ALAS1: variants seen among roughly 807,000 people sequenced by gnomAD.
ALAS1 encodes 5'-aminolevulinate synthase 1, also known as 5-aminolevulinate synthase, non-specific, mitochondrial.
In ALAS1, 29 loss-of-function variants were observed where a neutral mutation model predicts 59.6. The ratio of observed to expected loss-of-function variants is 0.49; its 90% CI spans 0.36 to 0.66. The LOEUF (loss-of-function observed/expected upper bound fraction) is 0.66. Among genes scored for constraint, ALAS1 ranks in the 30% least tolerant of loss-of-function variants. The probability of loss-of-function intolerance (pLI) is 0.00; values close to 1 mark genes in which losing one functional copy is unlikely to be tolerated. For synonymous variants in ALAS1, 299 were observed against 296.6 expected (o/e 1.01, Z -0.08); for missense variants, 690 against 807.5 (o/e 0.85, Z 1.76).
At chr3:52,213,476 T>C (rs1699453826) in intron 11 of ALAS1, among the ~76,000 whole-genome samples, 1 of 152,234 alleles carries the variant, frequency 6.6e-6, no homozygotes, top group Non-Finnish European at 1.5e-5. Context: ...AAAAGCCTTA[T>C]CTCAGTAGAG....
intron 7 of ALAS1, 39 bp from the exon 8 acceptor site, chr3:52,206,533 C>A: frequency 6.3e-7 from 1 of 1,585,922 alleles, no homozygotes; most frequent in South Asian, 1.1e-5. Context: ...AATTTGTCTT[C>A]GATGCACATG....
rs1314640288 is a variant in ALAS1, at chr3:52,204,068, A to G, written c.577+56A>G. 6 of 1,525,466 alleles carry G rather than the reference A, an allele frequency of 3.9e-6. No homozygotes were observed. In the East Asian group the frequency reaches 6.9e-5, roughly 18 times the overall value. 94.5% of individuals were successfully genotyped at this position (1,525,466 alleles called of 1,614,324 possible). ...AAAAGAATTTATAATTCAAATGTACATTAGATTAAATATAAAATTGCATGG... is the reference window on the plus strand; with the variant it reads ...AAAAGAATTTATAATTCAAATGTACGTTAGATTAAATATAAAATTGCATGG... On this transcript the variant is annotated intron_variant, in intron 5 of 11. Coordinates refer to ENST00000484952, the MANE Select transcript of ALAS1 (RefSeq NM_000688.6).
Position 52,203,827 on chromosome 3 carries a change from G to C in ALAS1, c.428-36G>C, listed in dbSNP as rs757982040. ...AGATATTGTGAACTCAGAATAGAAAGTTGGTCCCATTTGTTTCTTGTTACT... is the reference window on the plus strand; with the variant it reads ...AGATATTGTGAACTCAGAATAGAAACTTGGTCCCATTTGTTTCTTGTTACT... On this transcript the variant is annotated intron_variant, in intron 4 of 11. Transcript: ENST00000484952. The C allele has an allele frequency of 3.9e-6, 6 of 1,548,174 alleles. No individual in the cohort carries two copies. In the Admixed American group the frequency reaches 1.2e-4, roughly 32 times the overall value.
chr3:52,208,475 C>T (rs548649385), intron 9 of ALAS1, among the ~76,000 whole-genome samples: 7 of 152,216 alleles, frequency 4.6e-5, no homozygotes, highest in Non-Finnish European at 1.0e-4. Flanking sequence ...TTATTGCTAT[C>T]TGAGCTCATT....
In ALAS1 at chr3:52,214,252, A is replaced by G; in HGVS notation, c.*72A>G. ...AGATGGTCTTCAGAGTTGTCTTTAT[A>G]TGTGAATTAAGTTATATTAAATTTT... On this transcript the variant is annotated 3_prime_UTR_variant, in exon 12 of 12. Coordinates refer to ENST00000484952, the MANE Select transcript of ALAS1 (RefSeq NM_000688.6). 2 of 1,347,816 alleles carry G rather than the reference A, an allele frequency of 1.5e-6. No homozygotes were observed. The highest frequency in any genetic ancestry group is 2.0e-6 in the Non-Finnish European group (2 of 990,798). The allele number at this position is 1,347,816 out of a possible 1,614,324, so 83.5% of individuals were successfully genotyped here.
chr3:52,202,792 G>C (rs1181720730), intron 4 of ALAS1, 58 bp downstream of exon 4: 1 of 1,530,692 alleles, frequency 6.5e-7, no homozygotes, highest in East Asian at 2.3e-5. Context: ...AGTTCTTTTG[G>C]GCCCTCAGAT....
intron 3 of ALAS1, among the ~76,000 whole-genome samples, chr3:52,201,396 T>C (rs1395417214): frequency 1.3e-5 from 2 of 152,226 alleles, no homozygotes; most frequent in African/African-American, 4.8e-5. Flanking sequence ...GTTGTTTAGA[T>C]GAAAACCAAT....
chr3:52,199,224 C>T lies in ALAS1; in HGVS notation c.-18C>T. 2 of 1,614,146 alleles carry T rather than the reference C, an allele frequency of 1.2e-6. No individual in the cohort carries two copies. The highest frequency in any genetic ancestry group is 4.5e-5 in the East Asian group (2 of 44,884). Reference sequence around the variant, plus strand: ...CTCTTCATCAGTCTTTCCACAGGAGCCAGCATACTTCCTGAACATGGAGAG... The same window carrying T: ...CTCTTCATCAGTCTTTCCACAGGAGTCAGCATACTTCCTGAACATGGAGAG... On this transcript the variant is annotated 5_prime_UTR_variant, in exon 3 of 12. Transcript: ENST00000484952.
Position 52,206,624 on chromosome 3 carries a change from T to G in ALAS1, c.1038T>G (p.Ile346Met). 6.2e-7 allele frequency: 1 copy of G among 1,614,202 alleles called. No individual in the cohort carries two copies. Among genetic ancestry groups the G allele is most frequent in the Non-Finnish European group, 8.5e-7 (1 of 1,180,034 alleles). Residue 346 changes from isoleucine to methionine, a missense_variant, in exon 8 of 12, where the codon ATT becomes ATG. Coordinates refer to ENST00000484952, the MANE Select transcript of ALAS1 (RefSeq NM_000688.6). ...ACCATGCCTCCATGATCCAAGGGATTCGAAACAGCCGAGTGCCAAAGTACA... is the reference window on the plus strand; with the variant it reads ...ACCATGCCTCCATGATCCAAGGGATGCGAAACAGCCGAGTGCCAAAGTACA... ...SGNHASMIQGIRNSRVPKYIF... is the reference protein window; with the variant it reads ...SGNHASMIQGMRNSRVPKYIF...
At position 52,198,848 on chromosome 3, in the gene ALAS1, T is replaced by C. The variant is rs145651843; in HGVS notation, c.-33T>C. The C allele has an allele frequency of 1.5e-5, 23 of 1,535,714 alleles. No homozygotes were observed. The Admixed American group carries it at 3.3e-4, about 22-fold the overall frequency. On this transcript the variant is annotated splice_region_variant and 5_prime_UTR_variant, in exon 2 of 12. Transcript: ENST00000484952. The stretch of plus-strand genomic sequence containing the variant: ...ATGAGTGGCTTCTTCTCCACCTAGA[T>C]GTAAGCCAAGATGTCTTATCTGCAC...
chr3:52,211,964 T>A (rs570528383), intron 10 of ALAS1, among the ~76,000 whole-genome samples: 6 of 152,366 alleles, frequency 3.9e-5, no homozygotes, highest in Non-Finnish European at 7.3e-5. Flanking sequence ...TATAACTGAA[T>A]CTAGATTATA....
chr3:52,204,003 T>G lies in ALAS1; in HGVS notation c.568T>G (p.Leu190Val). 1.2e-6 allele frequency: 2 copies of G among 1,604,654 alleles called. No individual in the cohort carries two copies. Among genetic ancestry groups the G allele is most frequent in the Non-Finnish European group, 1.7e-6 (2 of 1,175,856 alleles). ...AGTGTCTCATCTTCTTCAAGATAAC[T>G]TGCCAAAATGTAAGTCTCATTGTTA... ...ERVSHLLQDN[L>V]PKSVSTFQYD... Residue 190 changes from leucine to valine, a missense_variant, in exon 5 of 12, where the codon TTG becomes GTG. Leu to Val is a conservative substitution (Grantham distance 32). Coordinates refer to ENST00000484952, the MANE Select transcript of ALAS1 (RefSeq NM_000688.6).
rs772468947 is a variant in ALAS1, at chr3:52,212,341, T to A, written c.1683T>A (p.Pro561=). 9.1e-5 allele frequency: 147 copies of A among 1,614,064 alleles called. No individual in the cohort carries two copies. Among genetic ancestry groups the A allele is most frequent in the Non-Finnish European group, 1.1e-4 (135 of 1,180,034 alleles). ...TCTACGTGCAAGCAATCAATTACCCTACGGTGCCCCGGGGAGAAGAGCTCC... is the reference window on the plus strand; with the variant it reads ...TCTACGTGCAAGCAATCAATTACCCAACGGTGCCCCGGGGAGAAGAGCTCC... The part of the protein sequence containing the change: ...HNIYVQAINY[P]TVPRGEELLR... Residue 561 remains proline (P), a synonymous_variant, in exon 11 of 12, where the codon CCT becomes CCA. Coordinates refer to ENST00000484952, the MANE Select transcript of ALAS1 (RefSeq NM_000688.6).
intron 4 of ALAS1, 44 bp from the exon 5 acceptor site, chr3:52,203,819 A>T: frequency 6.5e-7 from 1 of 1,540,342 alleles, no homozygotes; most frequent in Non-Finnish European, 8.8e-7. Context: ...GTGAACTCAG[A>T]ATAGAAAGTT....
chr3:52,204,943 A>C, intron 6 of ALAS1, 28 bp downstream of exon 6: 1 of 1,580,320 alleles, frequency 6.3e-7, no homozygotes, highest in Non-Finnish European at 8.7e-7. Flanking sequence ...TTCAAATATT[A>C]CTGTTGTTAT....
Position 52,212,378 on chromosome 3 carries a change from C to T in ALAS1, c.1720C>T (p.Pro574Ser), listed in dbSNP as rs1285421739. The T allele has an allele frequency of 3.1e-6, 5 of 1,613,920 alleles. No homozygotes were observed. The highest frequency in any genetic ancestry group is 4.2e-6 in the Non-Finnish European group (5 of 1,180,024). The change falls in exon 11 of 12, where the codon CCC becomes TCC. Residue 574 changes from proline to serine, a missense_variant. Physicochemically the swap from Pro to Ser is moderately conservative, Grantham distance 74 (BLOSUM62 -1). Transcript: ENST00000484952. The part of the protein sequence containing the change: ...PRGEELLRIA[P>S]TPHHTPQMMN... ...GGGAGAAGAGCTCCTACGGATTGCC[C>T]CCACCCCTCACCACACACCCCAGAT... is the stretch of plus-strand genomic sequence containing the variant.
chr3:52,198,549 G>A (rs182778936), intron 1 of ALAS1, 123 bp from the exon 2 acceptor site: 1 of 542,782 alleles, frequency 1.8e-6, no homozygotes, highest in Non-Finnish European at 3.3e-6. Context: ...CCCCACTGCC[G>A]GAGGACTGCC....
intron 10 of ALAS1, 72 bp downstream of exon 10, chr3:52,211,623 A>G (rs1020760274): frequency 6.4e-7 from 1 of 1,571,962 alleles, no homozygotes; most frequent in Admixed American, 1.7e-5. Flanking sequence ...GTTCTGCTTC[A>G]TACCTTCCTG....
intron 10 of ALAS1, 74 bp downstream of exon 10, chr3:52,211,625 A>C: frequency 6.4e-7 from 1 of 1,568,254 alleles, no homozygotes; most frequent in Non-Finnish European, 8.7e-7. Flanking sequence ...TCTGCTTCAT[A>C]CCTTCCTGAA....
Sources: gnomAD v4.1 joint callset for allele counts (sites outside exome capture counted in the v4.1 genomes callset) on GRCh38, gnomAD v4.1.1 for gene constraint, MANE v1.5 for transcripts, NCBI Gene and HGNC (gene_info 2026-07-23, HGNC 2026-07-21) for gene names.